The following PAIP2 variants were observed in gnomAD, a reference collection of about 807,000 sequenced individuals.
The protein encoded by PAIP2 is polyadenylate-binding protein-interacting protein 2.
PAIP2 carries 7 observed loss-of-function variants against 14.8 expected under a neutral mutation model. The observed-to-expected ratio is 0.47, with a 90% CI of 0.27 to 0.89. PAIP2 has a LOEUF of 0.89. PAIP2 is among the 40% of genes least tolerant of loss of function. The pLI is 0.13. For missense variants in PAIP2, 122 were observed against 154.7 expected (o/e 0.79, Z 1.12); for synonymous variants, 47 against 45.3 (o/e 1.04, Z -0.15).
At position 139,366,928 on chromosome 5, in the gene PAIP2, C is replaced by CA. The variant is rs558799827; in HGVS notation, c.319-1804dup. Among the ~76,000 whole-genome samples, 695 of 152,202 alleles carry CA rather than the reference C, an allele frequency of 4.6e-3. 6 individuals are homozygous for CA. Among genetic ancestry groups the CA allele is most frequent in the Non-Finnish European group, 5.9e-3 (401 of 68,008 alleles). Reference sequence around the variant, plus strand: ...GTTTAAAGTTAGCTGGGTGTGGTGGCACAGGCCTGTGGTCCCAGGTACTTG... The same window carrying CA: ...GTTTAAAGTTAGCTGGGTGTGGTGGCAACAGGCCTGTGGTCCCAGGTACTTG... On this transcript the variant is annotated intron_variant, in intron 3 of 3. Transcript: ENST00000265192.
At chr5:139,349,554 T>G (rs988678948) in intron 1 of PAIP2, among the ~76,000 whole-genome samples, 1 of 151,932 alleles carries the variant, frequency 6.6e-6, no homozygotes, top group Non-Finnish European at 1.5e-5. Context: ...GCCCTTGGAG[T>G]ACATTTTTAA....
At chr5:139,342,374 A>T (rs963989900) in intron 1 of PAIP2, 1 of 151,162 alleles carries the variant, frequency 6.6e-6, no homozygotes, top group Non-Finnish European at 1.5e-5. Flanking sequence ...TATTGTTTCT[A>T]CCCACTTTAC....
intron 1 of PAIP2, among the ~76,000 whole-genome samples, chr5:139,355,969 T>TGTAG (rs1420705255): frequency 1.3e-5 from 2 of 151,162 alleles, no homozygotes; most frequent in Non-Finnish European, 2.9e-5. Context: ...AAACCCTGTC[T>TGTAG]CTACTAAAAG....
intron 1 of PAIP2, among the ~76,000 whole-genome samples, chr5:139,343,708 GTTT>G (rs61419083): frequency 2.0e-4 from 26 of 130,918 alleles, no homozygotes; most frequent in African/African-American, 6.4e-4. Flanking sequence ...GGCAGAGCAA[GTTT>G]TTTTTTTTTT....
intron 1 of PAIP2, among the ~76,000 whole-genome samples, chr5:139,352,631 C>T (rs1362323933): frequency 3.8e-4 from 57 of 151,374 alleles, no homozygotes; most frequent in Non-Finnish European, 1.9e-4. Context: ...GCCACCACGC[C>T]CGGCTACTTT....
At chr5:139,344,190 T>G (rs1756468316) in intron 1 of PAIP2, among the ~76,000 whole-genome samples, 1 of 152,218 alleles carries the variant, frequency 6.6e-6, no homozygotes, top group Non-Finnish European at 1.5e-5. Context: ...TTTCCCAATG[T>G]CACAGAGCTA....
chr5:139,367,791 A>G (rs957012082), intron 3 of PAIP2, among the ~76,000 whole-genome samples: 2 of 152,246 alleles, frequency 1.3e-5, no homozygotes, highest in East Asian at 1.9e-4. Flanking sequence ...GCTACATACC[A>G]TAGTTCGATT....
At chr5:139,346,226 T>TA (rs1454068971) in intron 1 of PAIP2, among the ~76,000 whole-genome samples, 2 of 152,168 alleles carry the variant, frequency 1.3e-5, no homozygotes, top group African/African-American at 2.4e-5. Flanking sequence ...AGCTGTCGTC[T>TA]AGAACAGGAT....
At chr5:139,356,888 A>AG (rs1174807241) in intron 1 of PAIP2, among the ~76,000 whole-genome samples, 2 of 83,106 alleles carry the variant, frequency 2.4e-5, no homozygotes, top group Non-Finnish European at 3.5e-5. Context: ...CTCTGTCTCC[A>AG]GAAAAAAAAA....
At chr5:139,364,813 T>A in intron 3 of PAIP2, 70 bp downstream of exon 3, 1 of 1,021,546 alleles carries the variant, frequency 9.8e-7, no homozygotes, top group Non-Finnish European at 1.5e-6. Flanking sequence ...CCAGCTCCCA[T>A]CTATTTAAGA....
At chr5:139,352,488 G>GTTTTTTTT (rs1185620394) in intron 1 of PAIP2, among the ~76,000 whole-genome samples, 11 of 94,814 alleles carry the variant, frequency 1.2e-4, no homozygotes, top group East Asian at 4.4e-4. Context: ...ATTCCTGCCA[G>GTTTTTTTT]TTTTTTTTTT....
intron 1 of PAIP2, among the ~76,000 whole-genome samples, chr5:139,348,604 A>G (rs748126836): frequency 1.7e-4 from 26 of 149,956 alleles, no homozygotes; most frequent in Non-Finnish European, 2.7e-4. Context: ...TGATCTGCCC[A>G]CCTCGGCCTC....
At chr5:139,349,112 G>C (rs1206163350) in intron 1 of PAIP2, among the ~76,000 whole-genome samples, 2 of 152,240 alleles carry the variant, frequency 1.3e-5, no homozygotes, top group Non-Finnish European at 2.9e-5. Context: ...CAAAACTGAA[G>C]ATTGGGGAGG....
At chr5:139,344,652 T>C (rs995838498) in intron 1 of PAIP2, among the ~76,000 whole-genome samples, 1 of 152,208 alleles carries the variant, frequency 6.6e-6, no homozygotes, top group African/African-American at 2.4e-5. Flanking sequence ...CTGCTTCTTA[T>C]ATCAGTTTGT....
intron 1 of PAIP2, among the ~76,000 whole-genome samples, chr5:139,354,807 T>G (rs922241438): frequency 6.6e-6 from 1 of 151,918 alleles, no homozygotes; most frequent in Non-Finnish European, 1.5e-5. Context: ...AGTAAATTTT[T>G]CATTTCAGTT....
chr5:139,349,362 C>G (rs1345682738), intron 1 of PAIP2, among the ~76,000 whole-genome samples: 1 of 152,164 alleles, frequency 6.6e-6, no homozygotes, highest in Non-Finnish European at 1.5e-5. Context: ...AATTCTCCTG[C>G]CTCAGCTTCC....
chr5:139,365,035 T>G (rs1757174159), intron 3 of PAIP2: 1 of 174,078 alleles, frequency 5.7e-6, no homozygotes, highest in Non-Finnish European at 1.2e-5. Context: ...TCCCAGCTAC[T>G]CGGGAGGCTG....
rs557897285 is a variant in PAIP2 at position 139,359,278 on chromosome 5, A to G, written c.-26-4481A>G. Among the ~76,000 whole-genome samples, 28 of 152,232 alleles carry G rather than the reference A, an allele frequency of 1.8e-4. No individual in the cohort carries two copies. The South Asian group carries it at 5.8e-3, about 32-fold the overall frequency. ...CAGCCTCCTGTGTAGCTGGCATTAC[A>G]GGTGTGCGCCATCACACCCGGCTAA... On this transcript the variant is annotated intron_variant, in intron 1 of 3. Coordinates refer to ENST00000265192, the MANE Select transcript of PAIP2 (RefSeq NM_016480.5).
chr5:139,355,814 G>GCC (rs1197280307), intron 1 of PAIP2, among the ~76,000 whole-genome samples: 6 of 151,936 alleles, frequency 3.9e-5, no homozygotes, highest in Non-Finnish European at 8.8e-5. Context: ...CCAAGATCAA[G>GCC]CCACTGCACT....
Sources: gnomAD v4.1 joint callset for allele counts (sites outside exome capture counted in the v4.1 genomes callset) on GRCh38, gnomAD v4.1.1 for gene constraint, MANE v1.5 for transcripts, NCBI Gene and HGNC (gene_info 2026-07-23, HGNC 2026-07-21) for gene names.